HEPACAM2: variants seen among roughly 807,000 people sequenced by gnomAD.
The protein encoded by HEPACAM2 is mitotic kinetics regulator.
A neutral mutation model predicts 49.6 loss-of-function variants in HEPACAM2; 49 were observed. That is an observed-to-expected ratio of 0.99 (90% CI 0.78 to 1.25). The LOEUF (loss-of-function observed/expected upper bound fraction) is 1.25. Among genes scored for constraint, HEPACAM2 ranks in the 50% most tolerant of loss-of-function variants. The probability of loss-of-function intolerance (pLI) is 0.00; values close to 1 mark genes in which losing one functional copy is unlikely to be tolerated. For missense variants in HEPACAM2, 525 were observed against 557.2 expected (o/e 0.94, Z 0.58); for synonymous variants, 197 against 202.9 (o/e 0.97, Z 0.25).
rs972534915 is a variant in HEPACAM2, at chr7:93,195,725, G to A, written c.1275+103C>T. 4.9e-6 allele frequency: 4 copies of A among 819,980 alleles called. No individual in the cohort carries two copies. The African/African-American group carries it at 5.1e-5, about 11-fold the overall frequency. 50.8% of individuals were successfully genotyped at this position (819,980 alleles called of 1,614,324 possible). A position where few individuals can be genotyped will look rare whatever the true frequency, so the allele number is the denominator to read the frequency against. On this transcript the variant is annotated intron_variant, in intron 8 of 9. Coordinates refer to ENST00000394468, the MANE Select transcript of HEPACAM2 (RefSeq NM_001039372.4). ...ACTGCTTAATGCAGTAATGGGTAAT[G>A]CAGCCATTTGACCACACTGCCCAGT... is the stretch of plus-strand genomic sequence containing the variant.
In HEPACAM2 at chr7:93,219,340, A is replaced by G. The variant is rs1293552166; in HGVS notation, c.191T>C (p.Ile64Thr). The G allele has an allele frequency of 6.2e-7, 1 of 1,613,858 alleles. No homozygotes were observed. The highest frequency in any genetic ancestry group is 8.5e-7 in the Non-Finnish European group (1 of 1,179,936). ...HYGFHTPASD[I>T]QIIWLFERPH... ...TCTCTCAAATAGCCATATGATCTGG[A>G]TGTCTGATGCTGGAGTGTGGAAGCC... Residue 64 changes from isoleucine (I) to threonine (T), a missense_variant, in exon 2 of 10, where the codon ATC (isoleucine) becomes ACC (threonine). Physicochemically the swap from Ile to Thr is moderately conservative, Grantham distance 89 (BLOSUM62 -1). Transcript: ENST00000394468.
At position 93,203,328 on chromosome 7, in the gene HEPACAM2, G is replaced by T. The variant is rs75942832; in HGVS notation, c.1012+5252C>A. Among the ~76,000 whole-genome samples, 1,256 of 152,246 alleles carry T rather than the reference G, an allele frequency of 8.2e-3. 19 individuals carry two copies. Among genetic ancestry groups the T allele is most frequent in the African/African-American group, 0.028 (1,180 of 41,574 alleles). On this transcript the variant is annotated intron_variant, in intron 4 of 9. Coordinates refer to ENST00000394468, the MANE Select transcript of HEPACAM2 (RefSeq NM_001039372.4). ...TGTTCCTTTCACACACACAAAAAGT[G>T]CCAAATATGTAAAGGATCAAATCAA...
intron 8 of HEPACAM2, among the ~76,000 whole-genome samples, chr7:93,195,205 A>G (rs1229573025): frequency 6.6e-6 from 1 of 152,066 alleles, no homozygotes; most frequent in East Asian, 1.9e-4. Context: ...GACTTAAATT[A>G]GGGTCTCCTG....
rs1283942308 is a variant in HEPACAM2 at position 93,219,414 on chromosome 7, G to A, written c.117C>T (p.His39=). Residue 39 remains histidine (H), a synonymous_variant, in exon 2 of 10, where the codon CAC becomes CAT. Coordinates refer to ENST00000394468, the MANE Select transcript of HEPACAM2 (RefSeq NM_001039372.4). ...CSGLKVTVPS[H]TVHGVRGQAL... ...CCTGACCTCTGACGCCATGGACAGT[G>A]TGTGATGGCACTGTCACCTTCAGCC... 6.2e-7 allele frequency: 1 copy of A among 1,613,942 alleles called. No individual in the cohort carries two copies. The highest frequency in any genetic ancestry group is 2.2e-5 in the East Asian group (1 of 44,884).
At chr7:93,212,595 C>A (rs1794203499) in intron 3 of HEPACAM2, among the ~76,000 whole-genome samples, 1 of 151,958 alleles carries the variant, frequency 6.6e-6, no homozygotes, top group African/African-American at 2.4e-5. Context: ...CTCAGAGAAC[C>A]AATATCCACA....
intron 9 of HEPACAM2, among the ~76,000 whole-genome samples, chr7:93,190,718 A>T (rs572361523): frequency 1.1e-4 from 17 of 152,204 alleles, no homozygotes; most frequent in Non-Finnish European, 2.5e-4. Context: ...TATATTCTTA[A>T]GAAAGTCAAA....
intron 4 of HEPACAM2, among the ~76,000 whole-genome samples, chr7:93,200,719 C>T (rs1031036553): frequency 2.0e-5 from 3 of 152,222 alleles, no homozygotes; most frequent in South Asian, 4.1e-4. Context: ...GGTAGTCTTG[C>T]GGAGCACTTT....
At chr7:93,204,455 G>T (rs1793978228) in intron 4 of HEPACAM2, among the ~76,000 whole-genome samples, 1 of 152,030 alleles carries the variant, frequency 6.6e-6, no homozygotes, top group South Asian at 2.1e-4. Context: ...AGGGACATCT[G>T]CATTCAAGGA....
At chr7:93,220,481 C>T (rs1794426791) in intron 1 of HEPACAM2, among the ~76,000 whole-genome samples, 1 of 152,168 alleles carries the variant, frequency 6.6e-6, no homozygotes, top group South Asian at 2.1e-4. Flanking sequence ...AAAGGAATTG[C>T]AGTAAATAAA....
At chr7:93,208,523 C>T in intron 4 of HEPACAM2, 57 bp downstream of exon 4, 1 of 1,452,354 alleles carries the variant, frequency 6.9e-7, no homozygotes, top group Middle Eastern at 1.8e-4. Flanking sequence ...AGGGGAAGTG[C>T]AAGGCCAGCA....
At chr7:93,198,635 G>A (rs1031597713) in intron 4 of HEPACAM2, among the ~76,000 whole-genome samples, 1 of 152,044 alleles carries the variant, frequency 6.6e-6, no homozygotes, top group African/African-American at 2.4e-5. Flanking sequence ...ATCAGATATG[G>A]GTGTGGAAAT....
In HEPACAM2 at chr7:93,224,400, T is replaced by C. The variant is rs1176138741; in HGVS notation, c.79+1968A>G. ...TATTATTATATTCACTATTACTTTC[T>C]GAGTATAACAAACAAAAACTCTTAT... On this transcript the variant is annotated intron_variant, in intron 1 of 9. Transcript: ENST00000394468. Among the ~76,000 whole-genome samples, 4 of 152,316 alleles carry C rather than the reference T, an allele frequency of 2.6e-5. No individual in the cohort carries two copies. In the East Asian group the frequency reaches 7.7e-4, roughly 29 times the overall value.
At chr7:93,209,449 G>A (rs1169272358) in intron 3 of HEPACAM2, among the ~76,000 whole-genome samples, 3 of 151,840 alleles carry the variant, frequency 2.0e-5, no homozygotes, top group Non-Finnish European at 2.9e-5. Flanking sequence ...TACATTCAAA[G>A]TCTACCATTG....
chr7:93,227,409 G>A (rs1190670137), upstream of HEPACAM2, among the ~76,000 whole-genome samples: 1 of 152,082 alleles, frequency 6.6e-6, no homozygotes, highest in African/African-American at 2.4e-5. Context: ...AAAATTCCTT[G>A]CATGCATCAG....
chr7:93,223,239 G>A (rs1010547078), intron 1 of HEPACAM2, among the ~76,000 whole-genome samples: 3 of 152,136 alleles, frequency 2.0e-5, no homozygotes, highest in African/African-American at 7.2e-5. Flanking sequence ...AAAAGATTGA[G>A]ATTTATTTAA....
chr7:93,190,705 T>G (rs73415313), intron 9 of HEPACAM2, among the ~76,000 whole-genome samples: 5,521 of 152,144 alleles, frequency 0.036, 256 homozygotes, highest in African/African-American at 0.1. Flanking sequence ...TGAAATAAAC[T>G]TTTATATTCT....
upstream of HEPACAM2, among the ~76,000 whole-genome samples, chr7:93,227,765 T>C (rs1296720551): frequency 1.3e-5 from 2 of 152,196 alleles, 1 homozygote; most frequent in Admixed American, 1.3e-4. Context: ...ACACATCTAT[T>C]GCAGCACTTA....
intron 1 of HEPACAM2, among the ~76,000 whole-genome samples, chr7:93,220,127 G>A (rs955074886): frequency 6.6e-6 from 1 of 152,158 alleles, no homozygotes; most frequent in Non-Finnish European, 1.5e-5. Flanking sequence ...GTGACAGACT[G>A]GCAGGACCTT....
At chr7:93,219,825 C>G (rs986427348) in intron 1 of HEPACAM2, among the ~76,000 whole-genome samples, 1 of 152,174 alleles carries the variant, frequency 6.6e-6, no homozygotes, top group Non-Finnish European at 1.5e-5. Context: ...ATATCATAAT[C>G]TAACTATGTG....
Sources: gnomAD v4.1 joint callset for allele counts (sites outside exome capture counted in the v4.1 genomes callset) on GRCh38, gnomAD v4.1.1 for gene constraint, MANE v1.5 for transcripts, NCBI Gene and HGNC (gene_info 2026-07-23, HGNC 2026-07-21) for gene names.